The following PLCE1 variants were observed in gnomAD, a reference collection of about 807,000 sequenced individuals.
The protein encoded by PLCE1 is 1-phosphatidylinositol 4,5-bisphosphate phosphodiesterase epsilon-1.
In PLCE1, 119 loss-of-function variants were observed where a neutral mutation model predicts 242.8. That is an observed-to-expected ratio of 0.49 (90% confidence interval 0.42 to 0.57). The LOEUF is 0.57. Among genes scored for constraint, PLCE1 ranks in the 20% least tolerant of loss-of-function variants. PLCE1 has a pLI of 0.00. For missense variants in PLCE1, 2,441 were observed against 2,788.8 expected (o/e 0.88, Z 2.81); for synonymous variants, 945 against 1,017.4 (o/e 0.93, Z 1.35).
intron 26 of PLCE1, among the ~76,000 whole-genome samples, chr10:94,307,067 G>A (rs537958422): frequency 9.2e-5 from 14 of 152,254 alleles, no homozygotes; most frequent in Middle Eastern, 6.8e-3. Flanking sequence ...AGTTGGAGTC[G>A]GTGCCTGGCA....
At chr10:94,124,539 G>A (rs11597766) in intron 2 of PLCE1, among the ~76,000 whole-genome samples, 318 of 152,280 alleles carry the variant, frequency 2.1e-3, no homozygotes, top group Non-Finnish European at 3.2e-3. Flanking sequence ...ATGAGGAAGA[G>A]GGTTTCAGTT....
intron 19 of PLCE1, 76 bp from the exon 20 acceptor site, chr10:94,279,706 T>G (rs899968848): frequency 1.3e-5 from 20 of 1,495,868 alleles, no homozygotes; most frequent in Non-Finnish European, 1.9e-5. Flanking sequence ...GTGTTAAACA[T>G]CAGGGGTAGT....
At position 94,096,400 on chromosome 10, in the gene PLCE1, G is replaced by A. The variant is rs550071096; in HGVS notation, c.1207-35774G>A. On this transcript the variant is annotated intron_variant, in intron 2 of 32. Transcript: ENST00000371380. The stretch of plus-strand genomic sequence containing the variant: ...CTCACGGTTCTGAAGGGCTGGGGAG[G>A]CCTCATGAAACTTAATCATAGCAGA... The A allele has an allele frequency of 1.9e-3, 289 of 152,274 alleles. 1 individual carries two copies. Among genetic ancestry groups the A allele is most frequent in the African/African-American group, 6.9e-3 (285 of 41,554 alleles). 9.4% of individuals were successfully genotyped at this position (152,274 alleles called of 1,614,324 possible). A position where few individuals can be genotyped will look rare whatever the true frequency, so the allele number is the denominator to read the frequency against.
At chr10:94,316,068 C>T (rs557827193) in intron 28 of PLCE1, among the ~76,000 whole-genome samples, 9 of 152,266 alleles carry the variant, frequency 5.9e-5, no homozygotes, top group African/African-American at 2.2e-4. Flanking sequence ...CCTTTAAGCA[C>T]ACTGTCAGAA....
chr10:94,323,664 G>T (rs556212654), intron 30 of PLCE1, among the ~76,000 whole-genome samples: 75 of 152,262 alleles, frequency 4.9e-4, no homozygotes, highest in Admixed American at 1.4e-3. Context: ...TTACTTAAGG[G>T]TTACTTGCTG....
chr10:94,261,146 T>TC (rs956148605), intron 13 of PLCE1, among the ~76,000 whole-genome samples: 2 of 151,806 alleles, frequency 1.3e-5, no homozygotes, highest in South Asian at 2.1e-4. Flanking sequence ...CATTTTTCCA[T>TC]CCCCCCCGCG....
At position 94,236,415 on chromosome 10, in the gene PLCE1, A is replaced by T. The variant is rs552353492; in HGVS notation, c.2420+295A>T. ...ATCCTGCCATTTCTAAGAATTCAAC[A>T]CATTAAATTTCAGAAGGAGAGCTGT... On this transcript the variant is annotated intron_variant, in intron 7 of 32. Coordinates refer to ENST00000371380, the MANE Select transcript of PLCE1 (RefSeq NM_016341.4). Among the ~76,000 whole-genome samples the T allele has an allele frequency of 2.6e-5, 4 of 152,122 alleles. No individual in the cohort carries two copies. The East Asian group carries it at 7.7e-4, about 29-fold the overall frequency.
chr10:94,190,124 A>C (rs2048611598), intron 4 of PLCE1, among the ~76,000 whole-genome samples: 2 of 152,100 alleles, frequency 1.3e-5, no homozygotes, highest in South Asian at 4.1e-4. Context: ...CTATAAAAAA[A>C]TACAGAAGTT....
intron 3 of PLCE1, among the ~76,000 whole-genome samples, chr10:94,169,785 C>T (rs559407397): frequency 6.6e-6 from 1 of 152,330 alleles, no homozygotes; most frequent in Non-Finnish European, 1.5e-5. Context: ...TGTCATCATA[C>T]AGCAGCCCAG....
At chr10:94,206,291 CA>C (rs950523851) in intron 4 of PLCE1, among the ~76,000 whole-genome samples, 1 of 152,138 alleles carries the variant, frequency 6.6e-6, no homozygotes, top group African/African-American at 2.4e-5. Flanking sequence ...CATATTCAAG[CA>C]ACAGGAAGAG....
At chr10:94,263,762 A>G (rs1222710369) in intron 14 of PLCE1, among the ~76,000 whole-genome samples, 1 of 152,064 alleles carries the variant, frequency 6.6e-6, no homozygotes, top group East Asian at 1.9e-4. Context: ...TTATTACATA[A>G]TATGTTTTTC....
chr10:94,297,474 G>T (rs1462311312), intron 23 of PLCE1, among the ~76,000 whole-genome samples: 1 of 151,350 alleles, frequency 6.6e-6, no homozygotes, highest in Non-Finnish European at 1.5e-5. Flanking sequence ...TTAAAAGCTT[G>T]AAATGTTGCA....
At chr10:94,292,044 G>T in intron 22 of PLCE1, among the ~76,000 whole-genome samples, 1 of 152,166 alleles carries the variant, frequency 6.6e-6, no homozygotes, top group African/African-American at 2.4e-5. Flanking sequence ...CCTCCCCACT[G>T]GTCCCTCATC....
At chr10:94,278,959 G>T (rs940533223) in intron 19 of PLCE1, among the ~76,000 whole-genome samples, 1 of 151,858 alleles carries the variant, frequency 6.6e-6, no homozygotes, top group African/African-American at 2.4e-5. Context: ...TTGAATAAAA[G>T]AATTTGTTCA....
At chr10:94,110,051 CTTTTTTCTTTTTTTTTT>C in intron 2 of PLCE1, among the ~76,000 whole-genome samples, 1 of 74,454 alleles carries the variant, frequency 1.3e-5, no homozygotes, top group East Asian at 3.5e-4. Context: ...TCCTTTTTTT[CTTTTTTCTTTTTTTTTT>C]TTTTTTTTTT....
intron 27 of PLCE1, among the ~76,000 whole-genome samples, chr10:94,311,037 C>T (rs909018605): frequency 6.6e-6 from 1 of 152,090 alleles, no homozygotes; most frequent in Non-Finnish European, 1.5e-5. Context: ...ACCAGTTGAT[C>T]AGAACAGATG....
rs1471036525 is a variant in PLCE1 at position 94,325,088 on chromosome 10, C to A, written c.*8C>A. On this transcript the variant is annotated 3_prime_UTR_variant, in exon 32 of 33. Transcript: ENST00000371380. ...ATGGATTACCGACAGTGACTAAGGG[C>A]AGCATGTTTAACCCAGGTATAGTAA... The A allele has an allele frequency of 6.2e-7, 1 of 1,613,094 alleles. No individual in the cohort carries two copies. The highest frequency in any genetic ancestry group is 8.5e-7 in the Non-Finnish European group (1 of 1,179,062).
Position 94,332,495 on chromosome 10 carries a change from ATGTGTGTGCCTG to A in PLCE1, c.*4561_*4572del, listed in dbSNP as rs2054171092. On this transcript the variant is annotated 3_prime_UTR_variant, in exon 33 of 33. Coordinates refer to ENST00000371380, the MANE Select transcript of PLCE1 (RefSeq NM_016341.4). Reference sequence around the variant, plus strand: ...CTGTAGCTTAATATAGCCTCAGGATATGTGTGTGCCTGTGTGTGTGTGTGTGTGTGTGTGTGT... The same window carrying A: ...CTGTAGCTTAATATAGCCTCAGGATATGTGTGTGTGTGTGTGTGTGTGTGT... 2.3e-5 allele frequency: 3 copies of A among 130,482 alleles called. No individual in the cohort carries two copies. Among genetic ancestry groups the A allele is most frequent in the East Asian group, 2.2e-4 (1 of 4,556 alleles). The allele number at this position is 130,482 out of a possible 1,614,324, so 8.1% of individuals were successfully genotyped here.
At chr10:94,266,174 T>C (rs1008383611) in intron 16 of PLCE1, among the ~76,000 whole-genome samples, 1 of 152,230 alleles carries the variant, frequency 6.6e-6, no homozygotes, top group Non-Finnish European at 1.5e-5. Flanking sequence ...CATCTATACT[T>C]AACCTTTATT....
Sources: gnomAD v4.1 joint callset for allele counts (sites outside exome capture counted in the v4.1 genomes callset) on GRCh38, gnomAD v4.1.1 for gene constraint, MANE v1.5 for transcripts, NCBI Gene and HGNC (gene_info 2026-07-23, HGNC 2026-07-21) for gene names.